NMNAT2: variants seen among roughly 807,000 people sequenced by gnomAD.
NMNAT2 encodes the protein nicotinamide/nicotinic acid mononucleotide adenylyltransferase 2.
NMNAT2 carries 11 observed loss-of-function variants against 41.6 expected under a neutral mutation model. The observed-to-expected ratio is 0.26, with a 90% CI of 0.17 to 0.44. NMNAT2 has a LOEUF of 0.44. NMNAT2 is among the 20% of genes least tolerant of loss of function. NMNAT2 has a pLI of 1.00. For missense variants in NMNAT2, 288 were observed against 407.7 expected, an observed-to-expected ratio of 0.71 and a Z score of 2.53; for synonymous variants, 148 against 151.2, an observed-to-expected ratio of 0.98 and a Z score of 0.16.
At chr1:183,386,146 G>A (rs1380475869) in intron 1 of NMNAT2, among the ~76,000 whole-genome samples, 2 of 152,066 alleles carry the variant, frequency 1.3e-5, no homozygotes, top group Non-Finnish European at 2.9e-5. Context: ...AATATATTTT[G>A]TTACCGGAAG....
At chr1:183,407,273 C>T (rs1557902459) in intron 1 of NMNAT2, among the ~76,000 whole-genome samples, 2 of 152,188 alleles carry the variant, frequency 1.3e-5, no homozygotes, top group Non-Finnish European at 2.9e-5. Context: ...TTGCAGGTTC[C>T]CACTGTGGAT....
intron 1 of NMNAT2, among the ~76,000 whole-genome samples, chr1:183,351,370 C>G (rs980833686): frequency 2.0e-5 from 3 of 152,154 alleles, no homozygotes; most frequent in African/African-American, 7.2e-5. Flanking sequence ...ACACCCAGAG[C>G]CCTGGATGAA....
intron 1 of NMNAT2, among the ~76,000 whole-genome samples, chr1:183,395,659 A>G (rs1056509650): frequency 3.9e-5 from 6 of 152,152 alleles, no homozygotes. Context: ...CAAGGTGAGA[A>G]TCAAGAGGTC....
At position 183,293,701 on chromosome 1, in the gene NMNAT2, C is replaced by T; in HGVS notation, c.174+4G>A. The T allele has an allele frequency of 6.2e-7, 1 of 1,608,682 alleles. No individual in the cohort carries two copies. Among genetic ancestry groups the T allele is most frequent in the Non-Finnish European group, 8.5e-7 (1 of 1,175,030 alleles). On this transcript the variant is annotated splice_donor_region_variant and intron_variant, in intron 2 of 10. Coordinates refer to ENST00000287713, the MANE Select transcript of NMNAT2 (RefSeq NM_015039.4). The stretch of plus-strand genomic sequence containing the variant: ...AGAGGAGAGGGGCACAGGAAGGAAC[C>T]CACCTGTTTTCCATAGGAGTCGTGG...
At position 183,252,449 on chromosome 1, in the gene NMNAT2, A is replaced by G. The variant is rs1439026524; in HGVS notation, c.*192T>C. ...CCACCCCCAACCCGGAGACTAGAGG[A>G]AAGTCTGTCCAAAGATGACTGTGGA... On this transcript the variant is annotated 3_prime_UTR_variant, in exon 11 of 11. Coordinates refer to ENST00000287713, the MANE Select transcript of NMNAT2 (RefSeq NM_015039.4). The G allele has an allele frequency of 1.5e-5, 5 of 344,486 alleles. No homozygotes were observed. Among genetic ancestry groups the G allele is most frequent in the East Asian group, 7.9e-5 (1 of 12,610 alleles). The allele number at this position is 344,486 out of a possible 1,614,324, so 21.3% of individuals were successfully genotyped here. A position where few individuals can be genotyped will look rare whatever the true frequency, so the allele number is the denominator to read the frequency against.
intron 1 of NMNAT2, among the ~76,000 whole-genome samples, chr1:183,306,494 C>T (rs1188277064): frequency 6.6e-6 from 1 of 152,272 alleles, no homozygotes; most frequent in East Asian, 1.9e-4. Context: ...CTCCCTCAAC[C>T]AGGATGCCCA....
intron 7 of NMNAT2, among the ~76,000 whole-genome samples, chr1:183,282,340 G>T (rs1394321150): frequency 6.6e-6 from 1 of 152,228 alleles, no homozygotes; most frequent in Non-Finnish European, 1.5e-5. Context: ...AGAAGAGTAA[G>T]CAGAGGCCCC....
At chr1:183,390,079 C>G (rs1571634121) in intron 1 of NMNAT2, among the ~76,000 whole-genome samples, 1 of 152,106 alleles carries the variant, frequency 6.6e-6, no homozygotes, top group East Asian at 1.9e-4. Context: ...ATTAACTACA[C>G]AGGGCATTAA....
At chr1:183,258,811 T>C (rs1660586551) in intron 10 of NMNAT2, among the ~76,000 whole-genome samples, 1 of 152,092 alleles carries the variant, frequency 6.6e-6, no homozygotes, top group Non-Finnish European at 1.5e-5. Flanking sequence ...ACTGACTCAG[T>C]GCAAGAAGAC....
intron 1 of NMNAT2, among the ~76,000 whole-genome samples, chr1:183,391,526 C>T (rs1648482825): frequency 7.0e-6 from 1 of 141,970 alleles, no homozygotes; most frequent in Non-Finnish European, 1.6e-5. Context: ...TTATTTCTCT[C>T]ATCTTAAAAA....
At chr1:183,350,169 G>A (rs1241898804) in intron 1 of NMNAT2, among the ~76,000 whole-genome samples, 1 of 152,176 alleles carries the variant, frequency 6.6e-6, no homozygotes, top group Non-Finnish European at 1.5e-5. Context: ...CACTGTAGAG[G>A]GTGGTAAGTG....
At chr1:183,344,180 T>C (rs1277575490) in intron 1 of NMNAT2, among the ~76,000 whole-genome samples, 2 of 152,164 alleles carry the variant, frequency 1.3e-5, no homozygotes, top group South Asian at 2.1e-4. Flanking sequence ...TACCATCTAT[T>C]GACAAATTAT....
chr1:183,307,336 G>A (rs1230491161), intron 1 of NMNAT2, among the ~76,000 whole-genome samples: 1 of 149,422 alleles, frequency 6.7e-6, no homozygotes, highest in African/African-American at 2.5e-5. Flanking sequence ...GATGGAGTTT[G>A]GTTCTTGTTG....
intron 1 of NMNAT2, among the ~76,000 whole-genome samples, chr1:183,399,842 G>A (rs183393472): frequency 6.6e-6 from 1 of 152,184 alleles, no homozygotes; most frequent in Non-Finnish European, 1.5e-5. Flanking sequence ...TACAGAAAAG[G>A]CCTTTGACAA....
At chr1:183,305,483 G>A (rs964913419) in intron 1 of NMNAT2, among the ~76,000 whole-genome samples, 2 of 152,084 alleles carry the variant, frequency 1.3e-5, no homozygotes, top group Admixed American at 6.5e-5. Flanking sequence ...TAACCTTTCT[G>A]AGTACAAGTT....
chr1:183,316,433 G>A (rs1662251948), intron 1 of NMNAT2, among the ~76,000 whole-genome samples: 1 of 152,098 alleles, frequency 6.6e-6, no homozygotes, highest in African/African-American at 2.4e-5. Flanking sequence ...CAAAATCCAT[G>A]CCCCCTCACC....
intron 1 of NMNAT2, among the ~76,000 whole-genome samples, chr1:183,384,400 A>G (rs766452191): frequency 6.6e-6 from 1 of 152,256 alleles, no homozygotes; most frequent in South Asian, 2.1e-4. Flanking sequence ...GGGTTTCACC[A>G]TGTTGGCCAT....
At chr1:183,337,172 G>A (rs1238010328) in intron 1 of NMNAT2, among the ~76,000 whole-genome samples, 1 of 151,958 alleles carries the variant, frequency 6.6e-6, no homozygotes, top group Non-Finnish European at 1.5e-5. Context: ...ATCTGTGCTT[G>A]CCACTCTATG....
intron 1 of NMNAT2, 31 bp downstream of exon 1, chr1:183,418,152 G>T: frequency 6.3e-7 from 1 of 1,595,398 alleles, no homozygotes; most frequent in Non-Finnish European, 8.6e-7. Context: ...AGGAGCGGAA[G>T]CGGCTTCCAG....
Sources: gnomAD v4.1 joint callset for allele counts (sites outside exome capture counted in the v4.1 genomes callset) on GRCh38, gnomAD v4.1.1 for gene constraint, MANE v1.5 for transcripts, NCBI Gene and HGNC (gene_info 2026-07-23, HGNC 2026-07-21) for gene names.